The following RAB11FIP4 variants were observed in gnomAD, a reference collection of about 807,000 sequenced individuals.
RAB11FIP4 encodes RAB11 family interacting protein 4, also known as rab11 family-interacting protein 4.
Under a neutral mutation model 74.3 loss-of-function variants are expected in RAB11FIP4, and 23 were observed. The ratio of observed to expected loss-of-function variants is 0.31; its 90% CI spans 0.22 to 0.44. The LOEUF (loss-of-function observed/expected upper bound fraction) is 0.44. RAB11FIP4 is among the 20% of genes least tolerant of loss of function. The pLI is 1.00. For synonymous variants in RAB11FIP4, 360 were observed against 359.9 expected, an observed-to-expected ratio of 1.00 and a Z score of 0.00; for missense variants, 630 against 863.9, an observed-to-expected ratio of 0.73 and a Z score of 3.39.
chr17:31,480,895 A>G (rs1450521798), intron 3 of RAB11FIP4, among the ~76,000 whole-genome samples: 1 of 151,804 alleles, frequency 6.6e-6, no homozygotes, highest in Non-Finnish European at 1.5e-5. Flanking sequence ...CACATATTAT[A>G]TATGTCACTC....
chr17:31,443,490 T>A (rs1437821104), intron 3 of RAB11FIP4, among the ~76,000 whole-genome samples: 1 of 152,252 alleles, frequency 6.6e-6, no homozygotes, highest in Non-Finnish European at 1.5e-5. Flanking sequence ...AATTGACTGA[T>A]GTCTAGAGTG....
At chr17:31,530,232 C>A (rs2072843314) in intron 13 of RAB11FIP4, 94 bp from the exon 14 acceptor site, 2 of 1,489,710 alleles carry the variant, frequency 1.3e-6, no homozygotes, top group Non-Finnish European at 1.8e-6. Flanking sequence ...ATGGCGCTGG[C>A]GGCAGGTCGG....
intron 2 of RAB11FIP4, among the ~76,000 whole-genome samples, chr17:31,432,108 A>G (rs551804966): frequency 3.9e-4 from 60 of 152,290 alleles, no homozygotes; most frequent in African/African-American, 1.4e-3. Context: ...GGTCTCACCC[A>G]TGGAAGTCAC....
chr17:31,501,722 G>A, intron 3 of RAB11FIP4: 1 of 164,756 alleles, frequency 6.1e-6, no homozygotes, highest in South Asian at 1.2e-4. Context: ...TAGAGATGGG[G>A]TTTCACCATG....
intron 3 of RAB11FIP4, 125 bp from the exon 4 acceptor site, chr17:31,517,526 G>T (rs1407700657): frequency 2.3e-6 from 2 of 858,362 alleles, no homozygotes; most frequent in East Asian, 5.3e-5. Flanking sequence ...TTAGGGTTCG[G>T]GATCTGGGCC....
intron 3 of RAB11FIP4, among the ~76,000 whole-genome samples, chr17:31,499,264 G>A (rs991111890): frequency 7.9e-5 from 12 of 152,204 alleles, no homozygotes; most frequent in African/African-American, 2.9e-4. Context: ...TGACTCCAAA[G>A]GGGAGTAAAG....
chr17:31,498,201 T>G (rs2072152676), intron 3 of RAB11FIP4, among the ~76,000 whole-genome samples: 1 of 152,102 alleles, frequency 6.6e-6, no homozygotes, highest in South Asian at 2.1e-4. Context: ...CATGAGCCCC[T>G]AATGCCCTCT....
intron 3 of RAB11FIP4, among the ~76,000 whole-genome samples, chr17:31,508,118 G>A (rs1310485046): frequency 6.6e-6 from 1 of 152,192 alleles, no homozygotes; most frequent in Non-Finnish European, 1.5e-5. Flanking sequence ...GTGAGCCACT[G>A]TGCCCGGCCC....
Position 31,521,279 on chromosome 17 carries a change from A to C in RAB11FIP4, c.677A>C (p.Asp226Ala). 6.2e-7 allele frequency: 1 copy of C among 1,614,064 alleles called. No individual in the cohort carries two copies. The highest frequency in any genetic ancestry group is 8.5e-7 in the Non-Finnish European group (1 of 1,179,950). ...GACTATGGGGAGGGTGACGATGTGG[A>C]CTGTGCCCCCAGCAGCCCTTGCCCC... is the stretch of plus-strand genomic sequence containing the variant. ...FEDYGEGDDV[D>A]CAPSSPCPDD... The change falls in exon 5 of 15, where the codon GAC becomes GCC. Residue 226 changes from aspartate to alanine, a missense_variant. Transcript: ENST00000621161.
intron 3 of RAB11FIP4, among the ~76,000 whole-genome samples, chr17:31,453,916 T>A (rs369652118): frequency 1.3e-5 from 2 of 152,136 alleles, no homozygotes; most frequent in East Asian, 3.8e-4. Flanking sequence ...TCATGGTCCA[T>A]TGAATATCTT....
At chr17:31,446,851 TG>T (rs769364205) in intron 3 of RAB11FIP4, among the ~76,000 whole-genome samples, 35 of 152,160 alleles carry the variant, frequency 2.3e-4, no homozygotes, top group African/African-American at 7.7e-4. Context: ...AAAACAAACA[TG>T]GAACATAATA....
intron 1 of RAB11FIP4, among the ~76,000 whole-genome samples, chr17:31,399,202 G>A (rs2070961122): frequency 6.6e-6 from 1 of 152,166 alleles, no homozygotes; most frequent in Non-Finnish European, 1.5e-5. Context: ...AGGGGAACCT[G>A]ACAGCTGGCT....
Position 31,407,040 on chromosome 17 carries a change from A to ATTTTTTTTTTTT in RAB11FIP4, c.159+15047_159+15058dup, listed in dbSNP as rs59919036. 4.3e-4 allele frequency among the ~76,000 whole-genome samples: 22 copies of ATTTTTTTTTTTT among 51,212 alleles called. 3 individuals are homozygous for ATTTTTTTTTTTT. The highest frequency in any genetic ancestry group is 2.9e-3 in the South Asian group (3 of 1,040). The allele number at this position is 51,212 out of a possible 152,430, so 33.6% of individuals were successfully genotyped here. ...CACATTTGTTTTTTTGTTTCACTTG[A>ATTTTTTTTTTTT]TTTTTTTTTTTTTTTTTTTTTTTTT... On this transcript the variant is annotated intron_variant, in intron 1 of 14. Transcript: ENST00000621161.
chr17:31,520,491 G>GT (rs1234427353), intron 4 of RAB11FIP4, among the ~76,000 whole-genome samples: 4 of 152,040 alleles, frequency 2.6e-5, no homozygotes, highest in Non-Finnish European at 4.4e-5. Context: ...TACTCCGAAT[G>GT]TTTTTTTGTT....
At chr17:31,516,805 C>T (rs574830710) in intron 3 of RAB11FIP4, among the ~76,000 whole-genome samples, 6 of 152,314 alleles carry the variant, frequency 3.9e-5, no homozygotes, top group African/African-American at 1.4e-4. Context: ...GGGATGGGAG[C>T]AGGCCCAAGC....
chr17:31,472,055 G>A (rs978772370), intron 3 of RAB11FIP4, among the ~76,000 whole-genome samples: 1 of 152,054 alleles, frequency 6.6e-6, no homozygotes, highest in Non-Finnish European at 1.5e-5. Context: ...CCAGCTACTC[G>A]GAAGGCTGAG....
intron 3 of RAB11FIP4, among the ~76,000 whole-genome samples, chr17:31,463,426 C>T (rs2071651839): frequency 6.6e-6 from 1 of 152,134 alleles, no homozygotes; most frequent in Non-Finnish European, 1.5e-5. Context: ...TAGTTGGGGT[C>T]GTTGAGGGCT....
At chr17:31,398,131 G>A (rs114592171) in intron 1 of RAB11FIP4, among the ~76,000 whole-genome samples, 8 of 151,918 alleles carry the variant, frequency 5.3e-5, no homozygotes, top group African/African-American at 9.7e-5. Context: ...CTCCAACTCC[G>A]GGGTTCAAGC....
intron 1 of RAB11FIP4, among the ~76,000 whole-genome samples, chr17:31,413,181 G>A (rs1282028235): frequency 3.3e-5 from 5 of 152,240 alleles, no homozygotes; most frequent in African/African-American, 7.2e-5. Context: ...TGGGGAGCTC[G>A]GCATGTTTCG....
Sources: gnomAD v4.1 joint callset for allele counts (sites outside exome capture counted in the v4.1 genomes callset) on GRCh38, gnomAD v4.1.1 for gene constraint, MANE v1.5 for transcripts, NCBI Gene and HGNC (gene_info 2026-07-23, HGNC 2026-07-21) for gene names.